POLR2B: variants seen among roughly 807,000 people sequenced by gnomAD.
POLR2B encodes the protein DNA-directed RNA polymerase II subunit RPB2.
POLR2B carries 57 observed loss-of-function variants against 144.6 expected under a neutral mutation model. The observed-to-expected ratio is 0.39, with a 90% CI of 0.32 to 0.49. POLR2B has a LOEUF of 0.49. Among genes scored for constraint, POLR2B ranks in the 20% least tolerant of loss-of-function variants. The pLI, the probability that POLR2B is intolerant of heterozygous loss-of-function variation, is 0.83. For missense variants in POLR2B, 595 were observed against 1,467.4 expected, an observed-to-expected ratio of 0.41 and a Z score of 9.71; for synonymous variants, 442 against 469.8, an observed-to-expected ratio of 0.94 and a Z score of 0.77.
At chr4:56,979,792 G>T (rs1722097191) in intron 1 of POLR2B, among the ~76,000 whole-genome samples, 1 of 151,948 alleles carries the variant, frequency 6.6e-6, no homozygotes, top group Admixed American at 6.6e-5. Context: ...CCAGCTACTC[G>T]GGAGGCTGAG....
intron 2 of POLR2B, among the ~76,000 whole-genome samples, chr4:56,989,300 G>A (rs566221039): frequency 6.6e-6 from 1 of 152,138 alleles, no homozygotes; most frequent in African/African-American, 2.4e-5. Flanking sequence ...TATATTACAG[G>A]CAATGCCATG....
chr4:57,027,069 T>G (rs989528996), intron 23 of POLR2B, among the ~76,000 whole-genome samples: 25 of 151,994 alleles, frequency 1.6e-4, no homozygotes, highest in African/African-American at 5.6e-4. Context: ...AGTGCAGTGG[T>G]GCGATCTCGG....
intron 2 of POLR2B, among the ~76,000 whole-genome samples, chr4:56,989,719 G>A (rs1271151697): frequency 6.6e-6 from 1 of 152,184 alleles, no homozygotes; most frequent in Non-Finnish European, 1.5e-5. Flanking sequence ...GTGTGGTGGG[G>A]CACTTCCTAC....
intron 18 of POLR2B, among the ~76,000 whole-genome samples, chr4:57,022,739 G>GT (rs1479234620): frequency 6.6e-6 from 1 of 152,212 alleles, no homozygotes; most frequent in Non-Finnish European, 1.5e-5. Context: ...CAGTGGGATG[G>GT]ATGGGATGTT....
rs745313683 is a variant in POLR2B, at chr4:56,990,759, A to G, written c.104A>G (p.Asp35Gly). 1 of 1,606,102 alleles carries G rather than the reference A, an allele frequency of 6.2e-7. No individual in the cohort carries two copies. The highest frequency in any genetic ancestry group is 8.5e-7 in the Non-Finnish European group (1 of 1,177,630). ...ACWIVISSYF[D>G]EKGLVRQQLD... ...AAATATTTTCCCAGTTCCTATTTTGACGAGAAAGGCTTGGTTAGACAACAG... is the reference window on the plus strand; with the variant it reads ...AAATATTTTCCCAGTTCCTATTTTGGCGAGAAAGGCTTGGTTAGACAACAG... Residue 35 changes from aspartate (D) to glycine (G), a missense_variant, in exon 3 of 25, where the codon GAC (aspartate) becomes GGC (glycine). Physicochemically the swap from Asp to Gly is moderately conservative, Grantham distance 94. Transcript: ENST00000314595.
intron 1 of POLR2B, among the ~76,000 whole-genome samples, chr4:56,980,073 T>C (rs1317514729): frequency 6.6e-6 from 1 of 150,834 alleles, no homozygotes; most frequent in Non-Finnish European, 1.5e-5. Context: ...ATGGAAAAAA[T>C]TGAAGCAAAA....
At chr4:57,015,447 TA>T in intron 13 of POLR2B, 54 bp from the exon 14 acceptor site, 2 of 943,078 alleles carry the variant, frequency 2.1e-6, no homozygotes, top group Non-Finnish European at 2.9e-6. Flanking sequence ...TAACTAAGCC[TA>T]ATAATAAAGA....
At chr4:57,005,479 G>T in intron 8 of POLR2B, 37 bp downstream of exon 8, 1 of 1,495,112 alleles carries the variant, frequency 6.7e-7, no homozygotes, top group Non-Finnish European at 9.0e-7. Context: ...TCTTTATCAA[G>T]ATACAGTTGA....
Position 57,023,821 on chromosome 4 carries a change from C to A in POLR2B, c.2856+70C>A. Reference sequence around the variant, plus strand: ...ATATTTTTTTTTTAATCAAAATTTGCTTTAACTTAAGAGCTCAAAGATGAT... The same window carrying A: ...ATATTTTTTTTTTAATCAAAATTTGATTTAACTTAAGAGCTCAAAGATGAT... On this transcript the variant is annotated intron_variant, in intron 20 of 24. Coordinates refer to ENST00000314595, the MANE Select transcript of POLR2B (RefSeq NM_000938.3). The surrounding 1 kb of genome is among the most constrained non-coding windows in gnomAD (Gnocchi z 4.3). 1 of 1,134,956 alleles carries A rather than the reference C, an allele frequency of 8.8e-7. No individual in the cohort carries two copies. Among genetic ancestry groups the A allele is most frequent in the Non-Finnish European group, 1.3e-6 (1 of 784,726 alleles). The allele number at this position is 1,134,956 out of a possible 1,614,324, so 70.3% of individuals were successfully genotyped here. A position where few individuals can be genotyped will look rare whatever the true frequency, so the allele number is the denominator to read the frequency against.
At chr4:57,015,776 T>A (rs1413492073) in intron 14 of POLR2B, 120 bp downstream of exon 14, 2 of 276,306 alleles carry the variant, frequency 7.2e-6, no homozygotes, top group African/African-American at 2.3e-5. Context: ...TTATTTATTT[T>A]TTTGACACAG....
chr4:57,003,998 T>C (rs1166017148), intron 7 of POLR2B, among the ~76,000 whole-genome samples: 2 of 151,084 alleles, frequency 1.3e-5, no homozygotes, highest in Non-Finnish European at 2.9e-5. Flanking sequence ...TTGTAAAATA[T>C]TAGGTTTAAT....
Position 57,023,881 on chromosome 4 carries a change from G to A in POLR2B, c.2857-124G>A. The A allele has an allele frequency of 1.3e-6, 1 of 794,878 alleles. No homozygotes were observed. Among genetic ancestry groups the A allele is most frequent in the Admixed American group, 2.6e-5 (1 of 38,644 alleles). 49.2% of individuals were successfully genotyped at this position (794,878 alleles called of 1,614,324 possible). ...ACTTTTTGATTTTATTGTTGAATAA[G>A]TATATGAACATACCATGTTTAAACA... On this transcript the variant is annotated intron_variant, in intron 20 of 24. Coordinates refer to ENST00000314595, the MANE Select transcript of POLR2B (RefSeq NM_000938.3). This position sits in a 1 kb window ranked among gnomAD's most constrained non-coding sequence, Gnocchi z 4.3.
rs780566944 is a variant in POLR2B, at chr4:57,024,888, A to G, written c.2967A>G (p.Val989=). Residue 989 remains valine, a splice_region_variant and synonymous_variant, in exon 22 of 25, where the codon GTA becomes GTG. Transcript: ENST00000314595. ...GHLIECLQGK[V]SANKGEIGDA... Reference sequence around the variant, plus strand: ...AAGAGTACTTTTTTTTTTAAAAGGTATCGGCTAACAAGGGTGAAATTGGTG... The same window carrying G: ...AAGAGTACTTTTTTTTTTAAAAGGTGTCGGCTAACAAGGGTGAAATTGGTG... The G allele has an allele frequency of 4.6e-6, 7 of 1,525,210 alleles. No individual in the cohort carries two copies. In the East Asian group the frequency reaches 6.8e-5, roughly 15 times the overall value. 94.5% of individuals were successfully genotyped at this position (1,525,210 alleles called of 1,614,324 possible). A position where few individuals can be genotyped will look rare whatever the true frequency, so the allele number is the denominator to read the frequency against.
chr4:56,990,839 G>A lies in POLR2B; in HGVS notation c.184G>A (p.Ala62Thr), dbSNP rs566107219. Reference sequence around the variant, plus strand: ...GTCTGTTCAAAGAATTGTGGAAGACGCTCCTCCTATAGACCTACAGGCTGA... The same window carrying A: ...GTCTGTTCAAAGAATTGTGGAAGACACTCCTCCTATAGACCTACAGGCTGA... ...QMSVQRIVED[A>T]PPIDLQAEAQ... The change falls in exon 3 of 25, where the codon GCT (alanine) becomes ACT (threonine). Residue 62 changes from alanine to threonine, a missense_variant. Ala to Thr is a moderately conservative substitution (Grantham distance 58). Coordinates refer to ENST00000314595, the MANE Select transcript of POLR2B (RefSeq NM_000938.3). 17 of 1,613,644 alleles carry A rather than the reference G, an allele frequency of 1.1e-5. No homozygotes were observed. Among genetic ancestry groups the A allele is most frequent in the African/African-American group, 1.3e-5 (1 of 75,056 alleles).
At chr4:57,012,416 TAAAAAAA>T (rs71913668) in intron 13 of POLR2B, among the ~76,000 whole-genome samples, 1 of 148,698 alleles carries the variant, frequency 6.7e-6, no homozygotes, top group Admixed American at 6.7e-5. Context: ...AAAAATTTAT[TAAAAAAA>T]AAAAAAATCA....
intron 3 of POLR2B, among the ~76,000 whole-genome samples, chr4:56,991,891 C>T (rs907384542): frequency 6.6e-6 from 1 of 152,142 alleles, no homozygotes; most frequent in African/African-American, 2.4e-5. Flanking sequence ...CTCCTGACCT[C>T]AAGTGATCCA....
intron 14 of POLR2B, among the ~76,000 whole-genome samples, 192 bp from the exon 15 acceptor site, chr4:57,016,851 C>T (rs902333720): frequency 2.0e-5 from 3 of 148,520 alleles, no homozygotes; most frequent in African/African-American, 7.4e-5. Context: ...ACCTATTTCA[C>T]TTGTCAACAA....
intron 13 of POLR2B, among the ~76,000 whole-genome samples, chr4:57,011,390 C>T (rs556545281): frequency 5.3e-5 from 8 of 152,066 alleles, no homozygotes; most frequent in African/African-American, 1.4e-4. Flanking sequence ...TAGCCAGGCA[C>T]GGTGGCATGG....
chr4:56,992,560 A>ATTTTT (rs779373741), intron 3 of POLR2B, among the ~76,000 whole-genome samples: 1 of 85,600 alleles, frequency 1.2e-5, no homozygotes, highest in African/African-American at 4.1e-5. Flanking sequence ...TGGCTTATCT[A>ATTTTT]TTTTTTTTTT....
Sources: allele counts gnomAD v4.1 joint callset (sites outside exome capture counted in the v4.1 genomes callset), GRCh38; gene constraint gnomAD v4.1.1; non-coding constraint Gnocchi (gnomAD v3.1); transcripts MANE v1.5; gene names NCBI Gene and HGNC (gene_info 2026-07-23, HGNC 2026-07-21).